Variants in ANO2 observed in about 807,000 individuals in gnomAD.
ANO2 encodes anoctamin 2.
In ANO2, 101 loss-of-function variants were observed where a neutral mutation model predicts 124.2. The observed-to-expected ratio is 0.81, with a 90% CI of 0.69 to 0.96. ANO2 has a LOEUF of 0.96. ANO2 is among the 40% of genes least tolerant of loss of function. The pLI is 0.00. For missense variants in ANO2, 1,293 were observed against 1,274.5 expected (o/e 1.01, Z -0.22); for synonymous variants, 486 against 482.5 (o/e 1.01, Z -0.09).
At chr12:5,626,236 G>T (rs1452908722) in intron 16 of ANO2, among the ~76,000 whole-genome samples, 1 of 152,090 alleles carries the variant, frequency 6.6e-6, no homozygotes, top group Non-Finnish European at 1.5e-5. Context: ...ATTGAAGGTG[G>T]CAAGCTGTGT....
At chr12:5,775,256 T>C (rs1952194742) in intron 10 of ANO2, among the ~76,000 whole-genome samples, 1 of 151,898 alleles carries the variant, frequency 6.6e-6, no homozygotes, top group Admixed American at 6.6e-5. Context: ...GATAAGAGAA[T>C]AGAAATAATT....
chr12:5,687,704 A>G (rs1948763067), intron 14 of ANO2, among the ~76,000 whole-genome samples: 1 of 152,226 alleles, frequency 6.6e-6, no homozygotes, highest in Admixed American at 6.5e-5. Flanking sequence ...CCTTTCTCCA[A>G]GGAATTCAAC....
At chr12:5,836,578 T>C (rs1200432392) in intron 4 of ANO2, among the ~76,000 whole-genome samples, 1 of 152,192 alleles carries the variant, frequency 6.6e-6, no homozygotes, top group Non-Finnish European at 1.5e-5. Flanking sequence ...CCACTGCTCT[T>C]AGGAAAAAGA....
intron 23 of ANO2, among the ~76,000 whole-genome samples, chr12:5,569,250 C>A (rs1049470490): frequency 1.3e-5 from 2 of 152,184 alleles, no homozygotes; most frequent in Non-Finnish European, 2.9e-5. Context: ...AGCTCCACAA[C>A]AGACCCGTTC....
At chr12:5,620,429 G>A (rs1050239738) in intron 16 of ANO2, among the ~76,000 whole-genome samples, 1 of 152,166 alleles carries the variant, frequency 6.6e-6, no homozygotes, top group Non-Finnish European at 1.5e-5. Context: ...AGCATTGCCC[G>A]CTAGGGAATC....
chr12:5,688,108 G>C (rs985143397), intron 14 of ANO2, among the ~76,000 whole-genome samples: 42 of 152,154 alleles, frequency 2.8e-4, no homozygotes, highest in African/African-American at 9.4e-4. Context: ...AGACCTTGTG[G>C]GGGGAACAGA....
intron 11 of ANO2, among the ~76,000 whole-genome samples, chr12:5,748,135 G>A (rs548965345): frequency 3.9e-5 from 6 of 152,352 alleles, no homozygotes; most frequent in African/African-American, 1.4e-4. Context: ...AACGTGGGCT[G>A]TGTGCATCTG....
At chr12:5,671,030 T>C (rs952023448) in intron 14 of ANO2, among the ~76,000 whole-genome samples, 2 of 152,106 alleles carry the variant, frequency 1.3e-5, no homozygotes, top group African/African-American at 2.4e-5. Flanking sequence ...CCTCCCTAGA[T>C]TGTGATGCAT....
At chr12:5,714,666 C>G (rs1385165056) in intron 14 of ANO2, among the ~76,000 whole-genome samples, 1 of 152,160 alleles carries the variant, frequency 6.6e-6, no homozygotes, top group Non-Finnish European at 1.5e-5. Flanking sequence ...TCTTCTCCTC[C>G]TCCTTCTTCT....
rs185914164 is a variant in ANO2, at chr12:5,729,456, T to C, written c.1545+3064A>G. Reference sequence around the variant, plus strand: ...AGGGAAATGCAAGTTAAAACTACAATGAAATATCACTTCACACCACTGGGA... The same window carrying C: ...AGGGAAATGCAAGTTAAAACTACAACGAAATATCACTTCACACCACTGGGA... On this transcript the variant is annotated intron_variant, in intron 14 of 24. Coordinates refer to ENST00000682330, the MANE Select transcript of ANO2 (RefSeq NM_001364791.2). Among the ~76,000 whole-genome samples the C allele has an allele frequency of 2.6e-5, 4 of 152,098 alleles. No individual in the cohort carries two copies. The East Asian group carries it at 7.7e-4, about 29-fold the overall frequency.
chr12:5,773,556 C>G (rs773969631), intron 10 of ANO2, among the ~76,000 whole-genome samples: 41 of 152,170 alleles, frequency 2.7e-4, no homozygotes, highest in Non-Finnish European at 4.6e-4. Context: ...TGTTAGCTAC[C>G]ATCATCATCA....
intron 8 of ANO2, among the ~76,000 whole-genome samples, 184 bp downstream of exon 8, chr12:5,807,129 G>T (rs1031189347): frequency 6.6e-6 from 1 of 152,166 alleles, no homozygotes; most frequent in Non-Finnish European, 1.5e-5. Context: ...TGAGATGATT[G>T]GCAAAAATCA....
intron 19 of ANO2, 92 bp downstream of exon 19, chr12:5,612,564 G>T: frequency 9.8e-7 from 1 of 1,021,020 alleles, no homozygotes; most frequent in Non-Finnish European, 1.5e-6. Context: ...TGTCTAAGAA[G>T]AGGAAAGGCC....
chr12:5,633,828 C>G (rs1488934695), intron 16 of ANO2, among the ~76,000 whole-genome samples: 1 of 152,144 alleles, frequency 6.6e-6, no homozygotes, highest in African/African-American at 2.4e-5. Context: ...CTTTCCTGAC[C>G]CCAGGGATCT....
chr12:5,812,986 G>C (rs968121470), intron 7 of ANO2, among the ~76,000 whole-genome samples: 9 of 41,300 alleles, frequency 2.2e-4, no homozygotes, highest in African/African-American at 4.6e-4. Flanking sequence ...GGAAGGAAGG[G>C]TAAGCAAACA....
intron 19 of ANO2, among the ~76,000 whole-genome samples, chr12:5,603,614 A>C (rs1944048834): frequency 6.6e-6 from 1 of 152,184 alleles, no homozygotes; most frequent in Non-Finnish European, 1.5e-5. Context: ...GAAAGGACTG[A>C]AGGGAATTCA....
chr12:5,793,941 A>C (rs955358962), intron 10 of ANO2, among the ~76,000 whole-genome samples: 3 of 152,254 alleles, frequency 2.0e-5, no homozygotes, highest in African/African-American at 4.8e-5. Flanking sequence ...AATGAGAGAA[A>C]GGAGACTGGG....
intron 3 of ANO2, among the ~76,000 whole-genome samples, chr12:5,898,557 C>T (rs2136278942): frequency 6.6e-6 from 1 of 152,330 alleles, no homozygotes; most frequent in South Asian, 2.1e-4. Context: ...TCCAGTAACG[C>T]ATAAACCACT....
At chr12:5,731,545 G>T (rs756089085) in intron 14 of ANO2, among the ~76,000 whole-genome samples, 1 of 152,098 alleles carries the variant, frequency 6.6e-6, no homozygotes, top group Non-Finnish European at 1.5e-5. Flanking sequence ...TTTCAATCTA[G>T]TGGAATTTTT....
Sources: allele counts gnomAD v4.1 joint callset (sites outside exome capture counted in the v4.1 genomes callset), GRCh38; gene constraint gnomAD v4.1.1; transcripts MANE v1.5; gene names NCBI Gene and HGNC (gene_info 2026-07-23, HGNC 2026-07-21).